ACKR3: variants seen among roughly 807,000 people sequenced by gnomAD.
ACKR3 encodes atypical chemokine receptor 3, also known as C-X-C chemokine receptor type 7.
Under a neutral mutation model 22.4 loss-of-function variants are expected in ACKR3, and 6 were observed. The ratio of observed to expected loss-of-function variants is 0.27; its 90% confidence interval spans 0.15 to 0.53. The LOEUF is 0.53. ACKR3 is among the 20% of genes least tolerant of loss of function. The pLI is 0.96. For missense variants in ACKR3, 396 were observed against 475.2 expected (o/e 0.83, Z 1.55); for synonymous variants, 209 against 205.2 (o/e 1.02, Z -0.16).
Position 236,570,815 on chromosome 2 carries a change from T to TC in ACKR3, c.-27+892dup, listed in dbSNP as rs1442861463. ...CAGGGAGAATGAGAAGTTGTAAAAG[T>TC]CAGACTGGCTGTCTCTCTTTCTCTC... On this transcript the variant is annotated intron_variant, in intron 1 of 1. Transcript: ENST00000272928. 5.9e-5 allele frequency among the ~76,000 whole-genome samples: 9 copies of TC among 151,416 alleles called. No individual in the cohort carries two copies. The East Asian group carries it at 1.8e-3, about 29-fold the overall frequency.
the ACKR3 span, among the ~76,000 whole-genome samples, chr2:236,557,915 G>A: frequency 3.9e-5 from 6 of 152,134 alleles, no homozygotes; most frequent in East Asian, 3.8e-4. Flanking sequence ...ACACCCAAAT[G>A]GAAGGATATT....
the ACKR3 span, among the ~76,000 whole-genome samples, chr2:236,540,658 A>G: frequency 3.3e-5 from 5 of 152,284 alleles, no homozygotes; most frequent in South Asian, 1.0e-3. Flanking sequence ...ATCCATTTGG[A>G]ATGAATTTAA....
intron 1 of ACKR3, among the ~76,000 whole-genome samples, chr2:236,578,390 T>A (rs1343322042): frequency 6.6e-6 from 1 of 152,352 alleles, no homozygotes; most frequent in East Asian, 1.9e-4. Flanking sequence ...TCAGGGCTTG[T>A]CATAAGTCCG....
the ACKR3 span, among the ~76,000 whole-genome samples, chr2:236,557,850 T>C: frequency 6.6e-6 from 1 of 152,192 alleles, no homozygotes; most frequent in South Asian, 2.1e-4. Context: ...CTCACTTCTA[T>C]GATATGCATG....
intron 1 of ACKR3, among the ~76,000 whole-genome samples, chr2:236,576,863 G>A (rs1011580286): frequency 1.3e-5 from 2 of 152,270 alleles, no homozygotes; most frequent in African/African-American, 4.8e-5. Flanking sequence ...GTAAGCTATA[G>A]TATGACATTT....
the ACKR3 span, among the ~76,000 whole-genome samples, chr2:236,539,196 G>A: frequency 6.7e-6 from 1 of 150,308 alleles, no homozygotes; most frequent in Non-Finnish European, 1.5e-5. Context: ...TCCAGTTCTT[G>A]TCTATTGTGA....
At position 236,580,420 on chromosome 2, in the gene ACKR3, T is replaced by A; in HGVS notation, c.-26-20T>A. On this transcript the variant is annotated intron_variant, in intron 1 of 1. Coordinates refer to ENST00000272928, the MANE Select transcript of ACKR3 (RefSeq NM_020311.3). ...TGACTTTCCTCTTCCATCTTTTTTG[T>A]TTGCTTGGTTTTCTCATAGGTCATT... 6.4e-7 allele frequency: 1 copy of A among 1,559,304 alleles called. No individual in the cohort carries two copies. The highest frequency in any genetic ancestry group is 8.7e-7 in the Non-Finnish European group (1 of 1,151,624).
At chr2:236,550,185 CT>C in the ACKR3 span, among the ~76,000 whole-genome samples, 1 of 152,248 alleles carries the variant, frequency 6.6e-6, no homozygotes, top group Non-Finnish European at 1.5e-5. The surrounding 1 kb of genome is among the most constrained non-coding windows in gnomAD (Gnocchi z 4.6). Flanking sequence ...CCTGGCCATT[CT>C]GCACAGTGAA....
the ACKR3 span, among the ~76,000 whole-genome samples, chr2:236,542,492 C>T: frequency 4.6e-5 from 7 of 152,146 alleles, no homozygotes; most frequent in Non-Finnish European, 1.0e-4. Context: ...GACAGACTTG[C>T]CTGGGGACAC....
the ACKR3 span, among the ~76,000 whole-genome samples, chr2:236,556,284 G>T: frequency 5.3e-5 from 8 of 152,314 alleles, no homozygotes; most frequent in South Asian, 8.3e-4. Context: ...GGAGATGGGA[G>T]GTCAGTTACT....
At chr2:236,563,715 C>A (rs185736500), upstream of ACKR3, among the ~76,000 whole-genome samples, 21 of 152,270 alleles carry the variant, frequency 1.4e-4, no homozygotes, top group Middle Eastern at 3.4e-3. Context: ...ACTGGTGTTG[C>A]TGTTCCCAGA....
intron 1 of ACKR3, among the ~76,000 whole-genome samples, chr2:236,579,159 G>A (rs1009532549): frequency 6.6e-6 from 1 of 152,192 alleles, no homozygotes; most frequent in South Asian, 2.1e-4. Context: ...TTTGCATACC[G>A]CTAGCGTAGC....
At chr2:236,539,678 A>T in the ACKR3 span, among the ~76,000 whole-genome samples, 4 of 152,172 alleles carry the variant, frequency 2.6e-5, no homozygotes, top group East Asian at 3.9e-4. Flanking sequence ...TTTCTTGGGT[A>T]AATACCTAAT....
chr2:236,545,831 T>C, the ACKR3 span, among the ~76,000 whole-genome samples: 3 of 152,338 alleles, frequency 2.0e-5, no homozygotes, highest in East Asian at 5.8e-4. This position sits in a 1 kb window ranked among gnomAD's most constrained non-coding sequence, Gnocchi z 5.3. Flanking sequence ...TCATGTTTAT[T>C]TATTAAATTA....
the ACKR3 span, among the ~76,000 whole-genome samples, chr2:236,546,072 G>T: frequency 6.6e-6 from 1 of 152,182 alleles, no homozygotes; most frequent in African/African-American, 2.4e-5. The surrounding 1 kb of genome is among the most constrained non-coding windows in gnomAD (Gnocchi z 4.9). Context: ...ACAGGACCAC[G>T]TTTTGTGAGT....
In ACKR3 at chr2:236,581,536, G is replaced by A; in HGVS notation, c.1071G>A (p.Leu357=). Reference sequence around the variant, plus strand: ...TCTCAGAGACGGAGTACTCTGCCTTGGAGCAGAGCACCAAATGATCTGCCC... The same window carrying A: ...TCTCAGAGACGGAGTACTCTGCCTTAGAGCAGAGCACCAAATGATCTGCCC... The part of the protein sequence containing the change: ...SRVSETEYSA[L]EQSTK The change falls in exon 2 of 2, where the codon TTG becomes TTA. Residue 357 remains leucine (L), a synonymous_variant. Transcript: ENST00000272928. This position sits in a 1 kb window ranked among gnomAD's most constrained non-coding sequence, Gnocchi z 4.4. 6.2e-7 allele frequency: 1 copy of A among 1,613,660 alleles called. No homozygotes were observed. Among genetic ancestry groups the A allele is most frequent in the Non-Finnish European group, 8.5e-7 (1 of 1,179,664 alleles).
chr2:236,549,106 T>C, the ACKR3 span, among the ~76,000 whole-genome samples: 1 of 152,216 alleles, frequency 6.6e-6, no homozygotes, highest in Non-Finnish European at 1.5e-5. This position sits in a 1 kb window ranked among gnomAD's most constrained non-coding sequence, Gnocchi z 5.3. Context: ...TTATCCAATA[T>C]GAGATAAGCT....
the ACKR3 span, among the ~76,000 whole-genome samples, chr2:236,560,098 T>C: frequency 4.6e-5 from 7 of 152,350 alleles, no homozygotes; most frequent in African/African-American, 1.7e-4. Flanking sequence ...ACATTGAATC[T>C]ATGGAGCAAT....
At chr2:236,580,382 T>G (rs1339366436) in intron 1 of ACKR3, 58 bp from the exon 2 acceptor site, 12 of 1,531,470 alleles carry the variant, frequency 7.8e-6, no homozygotes, top group Middle Eastern at 1.8e-4. Context: ...AACTTGAGTT[T>G]TTCCTAATGA....
Sources: allele counts gnomAD v4.1 joint callset (sites outside exome capture counted in the v4.1 genomes callset), GRCh38; gene constraint gnomAD v4.1.1; non-coding constraint Gnocchi (gnomAD v3.1); transcripts MANE v1.5; gene names NCBI Gene and HGNC (gene_info 2026-07-23, HGNC 2026-07-21).